ZNF469: variants seen among roughly 807,000 people sequenced by gnomAD.
ZNF469 encodes the protein zinc finger protein 469.
A neutral mutation model predicts 1.0 loss-of-function variants in ZNF469; 1 was observed. The observed-to-expected ratio is 1.00, with a 90% CI of 0.35 to 4.73. The LOEUF is 4.73. Among genes scored for constraint, ZNF469 ranks in the 30% most tolerant of loss-of-function variants. The pLI is 0.16. For synonymous variants in ZNF469, 2,703 were observed against 2,363.4 expected (o/e 1.14, Z -4.17); for missense variants, 6,100 against 5,356.3 (o/e 1.14, Z -4.33).
the ZNF469 span, among the ~76,000 whole-genome samples, chr16:88,321,267 A>G: frequency 5.7e-4 from 87 of 152,384 alleles, no homozygotes; most frequent in Admixed American, 1.4e-3. Flanking sequence ...CTGGAAACCC[A>G]GGCAGGAGCT....
chr16:88,333,916 GTGTC>G, the ZNF469 span, among the ~76,000 whole-genome samples: 6 of 137,768 alleles, frequency 4.4e-5, no homozygotes, highest in Admixed American at 1.5e-4. Context: ...GCATCTGTGT[GTGTC>G]TGTGTGTGTC....
At chr16:88,387,001 A>G (rs1311491663) in intron 1 of ZNF469, among the ~76,000 whole-genome samples, 1 of 152,150 alleles carries the variant, frequency 6.6e-6, no homozygotes, top group Non-Finnish European at 1.5e-5. Flanking sequence ...TTCCCTGGGT[A>G]GAAGGAAAGA....
the ZNF469 span, among the ~76,000 whole-genome samples, chr16:88,112,772 C>CTTTTTT: frequency 1.9e-3 from 138 of 73,482 alleles, 6 homozygotes; most frequent in Middle Eastern, 0.014. Flanking sequence ...TGTGCAGAAG[C>CTTTTTT]TTTTTTTTTT....
chr16:88,275,210 G>C, the ZNF469 span, among the ~76,000 whole-genome samples: 6 of 152,324 alleles, frequency 3.9e-5, no homozygotes, highest in Middle Eastern at 3.4e-3. Context: ...CTCGCTGACA[G>C]TCCGAACGAT....
chr16:88,300,161 C>A, the ZNF469 span, among the ~76,000 whole-genome samples: 1 of 152,192 alleles, frequency 6.6e-6, no homozygotes, highest in Non-Finnish European at 1.5e-5. Flanking sequence ...AGTGGGGCAT[C>A]TTCTCTTGGT....
rs528281848 is a variant in ZNF469, at chr16:88,424,230, C to T, written c.-191-577C>T. ...GTGGACAGAGAGTGAGAAACCTCTT[C>T]ACGGAATGTTGTGGGATTATCTACA... On this transcript the variant is annotated intron_variant, in intron 1 of 2. Coordinates refer to ENST00000565624, the MANE Select transcript of ZNF469 (RefSeq NM_001367624.2). This position sits in a 1 kb window ranked among gnomAD's most constrained non-coding sequence, Gnocchi z 4.3. Among the ~76,000 whole-genome samples the T allele has an allele frequency of 6.6e-6, 1 of 152,346 alleles. No homozygotes were observed. The highest frequency in any genetic ancestry group is 1.5e-5 in the Non-Finnish European group (1 of 68,038).
At chr16:88,354,947 G>A in the ZNF469 span, among the ~76,000 whole-genome samples, 2 of 152,234 alleles carry the variant, frequency 1.3e-5, no homozygotes, top group African/African-American at 2.4e-5. Context: ...AGGGGGCTGA[G>A]AAGAGACTTG....
At chr16:88,354,312 A>T in the ZNF469 span, among the ~76,000 whole-genome samples, 1 of 152,212 alleles carries the variant, frequency 6.6e-6, no homozygotes, top group Non-Finnish European at 1.5e-5. Flanking sequence ...CTGCCAGCCC[A>T]GTGCCAGGTT....
chr16:88,220,023 C>T, the ZNF469 span, among the ~76,000 whole-genome samples: 5 of 152,204 alleles, frequency 3.3e-5, no homozygotes, highest in African/African-American at 7.2e-5. Flanking sequence ...TCTCCCCTCT[C>T]CAGAGTTCTC....
chr16:88,333,920 CTGTGTGTGTCTACATGTGTATGTGTT>C, the ZNF469 span, among the ~76,000 whole-genome samples: 2 of 149,418 alleles, frequency 1.3e-5, no homozygotes, highest in Non-Finnish European at 3.0e-5. Flanking sequence ...CTGTGTGTGT[CTGTGTGTGTCTACATGTGTATGTGTT>C]TGTGTGTCTG....
the ZNF469 span, among the ~76,000 whole-genome samples, chr16:88,106,244 C>T: frequency 8.5e-5 from 13 of 152,214 alleles, no homozygotes; most frequent in Non-Finnish European, 1.0e-4. Flanking sequence ...AGAACTGTGA[C>T]GGCCCCTCCT....
chr16:88,115,950 G>A, the ZNF469 span, among the ~76,000 whole-genome samples: 2 of 152,190 alleles, frequency 1.3e-5, no homozygotes, highest in African/African-American at 2.4e-5. Flanking sequence ...CATCTCCCTC[G>A]TGTAAGGATA....
At chr16:88,164,960 A>G in the ZNF469 span, among the ~76,000 whole-genome samples, 2 of 152,068 alleles carry the variant, frequency 1.3e-5, no homozygotes, top group Non-Finnish European at 2.9e-5. Context: ...CCGCCATGCC[A>G]CGGTGCCGAG....
the ZNF469 span, among the ~76,000 whole-genome samples, chr16:88,323,782 G>A: frequency 1.3e-5 from 2 of 152,180 alleles, no homozygotes; most frequent in Admixed American, 6.5e-5. Flanking sequence ...TCTGCCCCTG[G>A]CACATGCCAG....
the ZNF469 span, among the ~76,000 whole-genome samples, chr16:88,289,509 C>T: frequency 6.6e-6 from 1 of 152,150 alleles, no homozygotes; most frequent in African/African-American, 2.4e-5. Context: ...AGTGTTTGTT[C>T]TCTGTTAAGT....
At chr16:88,214,053 CTCTTG>C in the ZNF469 span, among the ~76,000 whole-genome samples, 1 of 152,158 alleles carries the variant, frequency 6.6e-6, no homozygotes, top group African/African-American at 2.4e-5. Flanking sequence ...TGGGTGGTTA[CTCTTG>C]TCTTGGCTGC....
chr16:88,416,951 C>T (rs1905318065), intron 1 of ZNF469, among the ~76,000 whole-genome samples: 1 of 152,216 alleles, frequency 6.6e-6, no homozygotes, highest in Admixed American at 6.5e-5. Flanking sequence ...CAAGGTCAGC[C>T]ACCCACACAC....
chr16:88,208,803 A>ACACACACACACTCTCTCT, the ZNF469 span, among the ~76,000 whole-genome samples: 1 of 123,562 alleles, frequency 8.1e-6, no homozygotes, highest in African/African-American at 3.1e-5. Context: ...ACACACACAC[A>ACACACACACACTCTCTCT]CTCTCTCTCT....
the ZNF469 span, among the ~76,000 whole-genome samples, chr16:88,299,119 G>A: frequency 1.3e-5 from 2 of 150,322 alleles, no homozygotes; most frequent in Non-Finnish European, 3.0e-5. Flanking sequence ...TTGGGGTGGG[G>A]AGGGCTTCCT....
Sources: allele counts gnomAD v4.1 joint callset (sites outside exome capture counted in the v4.1 genomes callset), GRCh38; gene constraint gnomAD v4.1.1; non-coding constraint Gnocchi (gnomAD v3.1); transcripts MANE v1.5; gene names NCBI Gene and HGNC (gene_info 2026-07-23, HGNC 2026-07-21).